The following ELMO1 variants were observed in gnomAD, a reference collection of about 807,000 sequenced individuals.
ELMO1 encodes the protein engulfment and cell motility protein 1.
Under a neutral mutation model 98.9 loss-of-function variants are expected in ELMO1, and 26 were observed. That is an observed-to-expected ratio of 0.26 (90% confidence interval 0.19 to 0.36). ELMO1 has a LOEUF of 0.36. Ranked by LOEUF, ELMO1 falls within the 10% of genes least tolerant of loss-of-function variation. The probability of loss-of-function intolerance (pLI) is 1.00; values close to 1 mark genes in which losing one functional copy is unlikely to be tolerated. For synonymous variants in ELMO1, 346 were observed against 346.0 expected, an observed-to-expected ratio of 1.00 and a Z score of 0.00; for missense variants, 627 against 935.2, an observed-to-expected ratio of 0.67 and a Z score of 4.30.
At chr7:37,243,142 A>C (rs1794839427) in intron 7 of ELMO1, among the ~76,000 whole-genome samples, 1 of 152,232 alleles carries the variant, frequency 6.6e-6, no homozygotes, top group Non-Finnish European at 1.5e-5. Flanking sequence ...TATCAATAAA[A>C]ATCATGAACT....
chr7:37,210,786 A>G (rs1357196333), intron 13 of ELMO1, among the ~76,000 whole-genome samples: 1 of 152,168 alleles, frequency 6.6e-6, no homozygotes, highest in Non-Finnish European at 1.5e-5. Context: ...GGTCACTCAG[A>G]GACTTCATGG....
At chr7:37,307,481 T>G (rs1159594843) in intron 4 of ELMO1, among the ~76,000 whole-genome samples, 1 of 152,212 alleles carries the variant, frequency 6.6e-6, no homozygotes, top group Non-Finnish European at 1.5e-5. Context: ...TGTGAGTCAA[T>G]TAAACCTCTT....
chr7:37,256,704 GAAGA>G, intron 6 of ELMO1, among the ~76,000 whole-genome samples: 1 of 128,214 alleles, frequency 7.8e-6, no homozygotes. Context: ...AGAAAGGAAG[GAAGA>G]AAGGGAGAGG....
chr7:37,056,664 G>A (rs1405301078), intron 15 of ELMO1, among the ~76,000 whole-genome samples: 1 of 152,226 alleles, frequency 6.6e-6, no homozygotes, highest in African/African-American at 2.4e-5. Context: ...TAGAGGAAAG[G>A]TGCCCTGGCA....
At chr7:37,239,978 A>G (rs138999972) in intron 7 of ELMO1, among the ~76,000 whole-genome samples, 394 of 151,176 alleles carry the variant, frequency 2.6e-3, no homozygotes, top group South Asian at 6.1e-3. Context: ...TGACTAACAC[A>G]TTTGGTAAAT....
rs900435316 is a variant in ELMO1, at chr7:36,991,744, C to A, written c.1437+21555G>T. Among the ~76,000 whole-genome samples, 21 of 152,186 alleles carry A rather than the reference C, an allele frequency of 1.4e-4. 1 individual carries two copies. Among genetic ancestry groups the A allele is most frequent in the African/African-American group, 5.1e-4 (21 of 41,440 alleles). On this transcript the variant is annotated intron_variant, in intron 16 of 21. Transcript: ENST00000310758. The stretch of plus-strand genomic sequence containing the variant: ...TATCTTTTGATCCCAGGATGCTGAG[C>A]TCTCTGTGATAAGCCTGGACATCTG...
intron 15 of ELMO1, chr7:37,033,305 T>G (rs2129187461): frequency 2.2e-6 from 1 of 447,416 alleles, no homozygotes; most frequent in East Asian, 7.0e-5. Context: ...GCTCTGCCTA[T>G]GCTTTAATAA....
At chr7:37,297,363 G>T (rs1289042934) in intron 4 of ELMO1, among the ~76,000 whole-genome samples, 1 of 151,992 alleles carries the variant, frequency 6.6e-6, no homozygotes. Flanking sequence ...TCCAATTCCG[G>T]CATTCAGAAG....
intron 6 of ELMO1, among the ~76,000 whole-genome samples, chr7:37,249,616 T>A (rs911532816): frequency 2.0e-5 from 3 of 152,218 alleles, no homozygotes; most frequent in Non-Finnish European, 4.4e-5. Flanking sequence ...GAAATAGACA[T>A]ACTCCTACAA....
At chr7:37,025,656 T>C (rs1372502353) in intron 15 of ELMO1, among the ~76,000 whole-genome samples, 1 of 152,092 alleles carries the variant, frequency 6.6e-6, no homozygotes, top group Non-Finnish European at 1.5e-5. Context: ...GGGAGTTACA[T>C]GATCAGTTCC....
chr7:37,434,005 GAC>G (rs1282192560), intron 1 of ELMO1, among the ~76,000 whole-genome samples: 1 of 152,006 alleles, frequency 6.6e-6, no homozygotes, highest in Non-Finnish European at 1.5e-5. Context: ...AAATATCAGA[GAC>G]ACACAGAGAG....
chr7:37,294,632 T>C (rs1797939149), intron 4 of ELMO1, among the ~76,000 whole-genome samples: 3 of 152,144 alleles, frequency 2.0e-5, no homozygotes, highest in Admixed American at 2.0e-4. Context: ...GATACCAAAA[T>C]TGAGGAAACA....
intron 13 of ELMO1, among the ~76,000 whole-genome samples, chr7:37,208,223 G>A: frequency 6.6e-6 from 1 of 152,154 alleles, no homozygotes; most frequent in East Asian, 1.9e-4. Context: ...CGGTCCTGTG[G>A]GGCCCTCCCA....
chr7:37,115,766 A>G (rs896844275), intron 14 of ELMO1, among the ~76,000 whole-genome samples: 2 of 151,380 alleles, frequency 1.3e-5, no homozygotes, highest in Non-Finnish European at 1.5e-5. Context: ...AAAAAAAAAA[A>G]GGGTGTACAG....
intron 13 of ELMO1, among the ~76,000 whole-genome samples, chr7:37,164,027 A>G (rs965240355): frequency 8.5e-5 from 13 of 152,330 alleles, no homozygotes; most frequent in African/African-American, 2.6e-4. Context: ...AATGATTGCC[A>G]TTCTAACTGG....
chr7:37,420,123 C>G (rs778342224), intron 1 of ELMO1, among the ~76,000 whole-genome samples: 5 of 152,176 alleles, frequency 3.3e-5, no homozygotes, highest in Non-Finnish European at 7.3e-5. Context: ...AGTCAAAGCA[C>G]AGGACGAGTC....
chr7:37,049,964 G>C (rs2129203298), intron 15 of ELMO1, among the ~76,000 whole-genome samples: 1 of 151,850 alleles, frequency 6.6e-6, no homozygotes, highest in South Asian at 2.1e-4. Context: ...ATTTTTAGTA[G>C]AGACAGGGTT....
intron 13 of ELMO1, among the ~76,000 whole-genome samples, chr7:37,157,204 A>G (rs1788839931): frequency 6.6e-6 from 1 of 152,264 alleles, no homozygotes; most frequent in Non-Finnish European, 1.5e-5. Context: ...TCCACAGCCA[A>G]TATCATACTG....
intron 13 of ELMO1, among the ~76,000 whole-genome samples, chr7:37,185,032 C>T (rs528294261): frequency 9.2e-5 from 14 of 152,108 alleles, no homozygotes; most frequent in South Asian, 4.1e-4. Context: ...TATAACTAGA[C>T]GGACAAATAG....
Sources: allele counts gnomAD v4.1 joint callset (sites outside exome capture counted in the v4.1 genomes callset), GRCh38; gene constraint gnomAD v4.1.1; transcripts MANE v1.5; gene names NCBI Gene and HGNC (gene_info 2026-07-23, HGNC 2026-07-21).